PPARGC1A: variants seen among roughly 807,000 people sequenced by gnomAD.
PPARGC1A encodes peroxisome proliferator-activated receptor gamma coactivator 1-alpha.
PPARGC1A carries 25 observed loss-of-function variants against 88.7 expected under a neutral mutation model. The ratio of observed to expected loss-of-function variants is 0.28; its 90% CI spans 0.21 to 0.39. The LOEUF (loss-of-function observed/expected upper bound fraction) is 0.39, where lower values mean the gene tolerates loss of function less well. Among genes scored for constraint, PPARGC1A ranks in the 10% least tolerant of loss-of-function variants. The probability of loss-of-function intolerance (pLI) is 1.00; values close to 1 mark genes in which losing one functional copy is unlikely to be tolerated. For synonymous variants in PPARGC1A, 363 were observed against 355.6 expected, an observed-to-expected ratio of 1.02 and a Z score of -0.24; for missense variants, 880 against 968.7, an observed-to-expected ratio of 0.91 and a Z score of 1.22.
the PPARGC1A span, among the ~76,000 whole-genome samples, chr4:24,158,087 C>T: frequency 6.7e-6 from 1 of 149,534 alleles, no homozygotes; most frequent in Admixed American, 6.7e-5. Flanking sequence ...GTTCACTACA[C>T]TCTCCAACCC....
At chr4:23,982,048 C>T in the PPARGC1A span, among the ~76,000 whole-genome samples, 1 of 152,046 alleles carries the variant, frequency 6.6e-6, no homozygotes, top group African/African-American at 2.4e-5. Context: ...AAAATGACAC[C>T]TTTTCATCTC....
At chr4:24,140,829 T>C in the PPARGC1A span, among the ~76,000 whole-genome samples, 1 of 152,060 alleles carries the variant, frequency 6.6e-6, no homozygotes, top group Non-Finnish European at 1.5e-5. Context: ...CGAGAGACAC[T>C]TGCCCTTTCA....
At chr4:23,920,306 C>T in the PPARGC1A span, among the ~76,000 whole-genome samples, 1 of 152,184 alleles carries the variant, frequency 6.6e-6, no homozygotes, top group Non-Finnish European at 1.5e-5. Flanking sequence ...CCATAAACTA[C>T]CAGGTCTTTT....
chr4:24,424,734 C>T, the PPARGC1A span, among the ~76,000 whole-genome samples: 1 of 152,314 alleles, frequency 6.6e-6, no homozygotes, highest in South Asian at 2.1e-4. Context: ...AGCATCATCT[C>T]TCATCATTCA....
At chr4:24,343,844 C>T in the PPARGC1A span, among the ~76,000 whole-genome samples, 33 of 149,328 alleles carry the variant, frequency 2.2e-4, no homozygotes, top group South Asian at 5.2e-3. Flanking sequence ...ACCCATCACC[C>T]GAGCAGTATA....
intron 7 of PPARGC1A, among the ~76,000 whole-genome samples, chr4:23,819,807 T>G (rs1722654934): frequency 6.6e-6 from 1 of 151,984 alleles, no homozygotes; most frequent in Admixed American, 6.6e-5. Flanking sequence ...TGGGTCTTCC[T>G]TTCTTAGATT....
At chr4:24,177,794 G>T in the PPARGC1A span, among the ~76,000 whole-genome samples, 1 of 151,984 alleles carries the variant, frequency 6.6e-6, no homozygotes, top group Non-Finnish European at 1.5e-5. Context: ...TGTCTTCAAG[G>T]AATCTACCTT....
chr4:24,437,591 TTTTTTGTTGTTGTTGTTGTTGTTGTTG>T, the PPARGC1A span, among the ~76,000 whole-genome samples: 2 of 127,712 alleles, frequency 1.6e-5, no homozygotes, highest in African/African-American at 5.9e-5. Context: ...AAGGCACAGG[TTTTTTGTTGTTGTTGTTGTTGTTGTTG>T]TTGTTGTTGT....
intron 2 of PPARGC1A, among the ~76,000 whole-genome samples, chr4:23,837,503 TG>T (rs1430377102): frequency 6.6e-6 from 1 of 152,160 alleles, no homozygotes; most frequent in Non-Finnish European, 1.5e-5. Flanking sequence ...TTTTGTTCTT[TG>T]AACAGGATCT....
the PPARGC1A span, among the ~76,000 whole-genome samples, chr4:23,980,146 G>A: frequency 8.6e-5 from 11 of 127,744 alleles, no homozygotes; most frequent in East Asian, 2.4e-4. Context: ...AATTTAGACA[G>A]CATCAACTCC....
chr4:23,841,482 AT>A (rs564755780), intron 2 of PPARGC1A, among the ~76,000 whole-genome samples: 60 of 147,630 alleles, frequency 4.1e-4, no homozygotes, highest in Middle Eastern at 3.4e-3. Context: ...AAAAGAAGTC[AT>A]TTTTTTTTTT....
chr4:23,813,832 C>T lies in PPARGC1A; in HGVS notation c.1651G>A (p.Val551Met), dbSNP rs1465793813. 32 of 1,613,826 alleles carry T rather than the reference C, an allele frequency of 2.0e-5. No individual in the cohort carries two copies. Among genetic ancestry groups the T allele is most frequent in the Non-Finnish European group, 2.4e-5 (28 of 1,179,920 alleles). The change falls in exon 8 of 13, where the codon GTG becomes ATG. Residue 551 changes from valine (V) to methionine (M), a missense_variant. Val to Met is a conservative substitution (Grantham distance 21). Coordinates refer to ENST00000264867, the MANE Select transcript of PPARGC1A (RefSeq NM_013261.5). The part of the protein sequence containing the change: ...SSFNSPCRDS[V>M]SPPKSLFSQR... ...GAAAATAAGGATTTGGGTGGTGACA[C>T]AGAATCTCTACATGGAGAGTTAAAA...
chr4:24,267,780 G>T, the PPARGC1A span, among the ~76,000 whole-genome samples: 3 of 152,150 alleles, frequency 2.0e-5, no homozygotes, highest in African/African-American at 7.2e-5. Context: ...AGACCAAGAA[G>T]CATAATTCTA....
At chr4:24,175,418 A>C in the PPARGC1A span, among the ~76,000 whole-genome samples, 4 of 123,722 alleles carry the variant, frequency 3.2e-5, no homozygotes, top group Admixed American at 9.7e-5. Flanking sequence ...TTTGTCACCC[A>C]GGCTGGAGCG....
chr4:24,035,573 AAAAT>A, the PPARGC1A span, among the ~76,000 whole-genome samples: 3 of 151,626 alleles, frequency 2.0e-5, no homozygotes, highest in Non-Finnish European at 4.4e-5. Context: ...AATAAAATAA[AAAAT>A]AAAATAAAAA....
At chr4:24,281,261 T>C in the PPARGC1A span, among the ~76,000 whole-genome samples, 2 of 152,182 alleles carry the variant, frequency 1.3e-5, no homozygotes, top group Non-Finnish European at 2.9e-5. Context: ...TGAGGCTGGG[T>C]AAATTATAAA....
At chr4:23,830,041 C>T (rs1397500301) in intron 3 of PPARGC1A, among the ~76,000 whole-genome samples, 1 of 151,734 alleles carries the variant, frequency 6.6e-6, no homozygotes, top group African/African-American at 2.4e-5. Context: ...GAAAAGCTGC[C>T]TTGCTAAATG....
chr4:24,265,061 G>A, the PPARGC1A span, among the ~76,000 whole-genome samples: 3 of 152,130 alleles, frequency 2.0e-5, no homozygotes, highest in Non-Finnish European at 4.4e-5. Context: ...CAATGTATGT[G>A]ACCACGGAAC....
At chr4:23,808,740 T>G (rs540405486) in intron 10 of PPARGC1A, among the ~76,000 whole-genome samples, 101 of 152,206 alleles carry the variant, frequency 6.6e-4, no homozygotes, top group Non-Finnish European at 1.1e-3. Flanking sequence ...GATTTTGCAT[T>G]GGTAATTACT....
Sources: gnomAD v4.1 joint callset for allele counts (sites outside exome capture counted in the v4.1 genomes callset) on GRCh38, gnomAD v4.1.1 for gene constraint, MANE v1.5 for transcripts, NCBI Gene and HGNC (gene_info 2026-07-23, HGNC 2026-07-21) for gene names.